Variants in TBX5 observed in about 807,000 individuals in gnomAD.
TBX5 encodes the protein T-box transcription factor 5, also known as T-box transcription factor TBX5.
In TBX5, 8 loss-of-function variants were observed where a neutral mutation model predicts 51.1. The observed-to-expected ratio is 0.16, with a 90% confidence interval of 0.09 to 0.28. The LOEUF is 0.28. Among genes scored for constraint, TBX5 ranks in the 10% least tolerant of loss-of-function variants. The pLI, the probability that TBX5 is intolerant of heterozygous loss-of-function variation, is 1.00. For missense variants in TBX5, 589 were observed against 671.7 expected (o/e 0.88, Z 1.36); for synonymous variants, 302 against 266.4 (o/e 1.13, Z -1.30).
chr12:114,406,739 T>C (rs575455220), upstream of TBX5, among the ~76,000 whole-genome samples: 5 of 152,116 alleles, frequency 3.3e-5, no homozygotes, highest in South Asian at 1.0e-3. Context: ...GCTCCAGGTG[T>C]ACACAAGGCA....
chr12:114,392,843 G>A lies in TBX5; in HGVS notation c.663+1898C>T, dbSNP rs147557112. Among the ~76,000 whole-genome samples, 13 of 152,280 alleles carry A rather than the reference G, an allele frequency of 8.5e-5. No homozygotes were observed. In the Middle Eastern group the frequency reaches 0.01, roughly 120 times the overall value. On this transcript the variant is annotated intron_variant, in intron 6 of 8. Transcript: ENST00000405440. ...CTGAAATAGTTTTGCATCTTTCAGG[G>A]CATTCGACCCTCGGTTTTGCTCTTG...
chr12:114,379,727 G>A (rs1593860910), intron 7 of TBX5, among the ~76,000 whole-genome samples: 2 of 152,282 alleles, frequency 1.3e-5, no homozygotes, highest in South Asian at 4.1e-4. Flanking sequence ...CAGCTCCTGG[G>A]CCTGTTTCCA....
intron 7 of TBX5, among the ~76,000 whole-genome samples, chr12:114,383,210 G>A (rs564410453): frequency 6.6e-6 from 1 of 152,258 alleles, no homozygotes; most frequent in Non-Finnish European, 1.5e-5. Context: ...GGAGACATGG[G>A]CTGACCACAC....
chr12:114,404,174 C>T (rs1413744135), intron 1 of TBX5, among the ~76,000 whole-genome samples: 1 of 152,090 alleles, frequency 6.6e-6, no homozygotes, highest in Admixed American at 6.6e-5. Flanking sequence ...TGCAAAAGAC[C>T]CGCGTCAGAC....
intron 6 of TBX5, among the ~76,000 whole-genome samples, chr12:114,391,060 T>A (rs1174962603): frequency 7.2e-5 from 11 of 152,190 alleles, no homozygotes; most frequent in African/African-American, 2.4e-4. Flanking sequence ...CCTACCTACC[T>A]CCACCTGGTA....
chr12:114,360,308 G>T (rs988081643), intron 8 of TBX5, among the ~76,000 whole-genome samples: 64 of 146,984 alleles, frequency 4.4e-4, no homozygotes, highest in African/African-American at 1.6e-3. Flanking sequence ...AACATGAAAA[G>T]GTAGCAAACC....
intron 4 of TBX5, among the ~76,000 whole-genome samples, chr12:114,399,111 A>C (rs1352690206): frequency 6.6e-6 from 1 of 152,244 alleles, no homozygotes; most frequent in African/African-American, 2.4e-5. Context: ...TAACTGTTTA[A>C]CTCGAATACC....
chr12:114,361,201 G>C (rs943366485), intron 8 of TBX5, among the ~76,000 whole-genome samples: 1 of 152,206 alleles, frequency 6.6e-6, no homozygotes, highest in Non-Finnish European at 1.5e-5. Flanking sequence ...ATAGAGATGG[G>C]TGGCATCTCC....
intron 8 of TBX5, among the ~76,000 whole-genome samples, chr12:114,357,871 C>T (rs1869008226): frequency 6.6e-6 from 1 of 152,172 alleles, no homozygotes; most frequent in African/African-American, 2.4e-5. Flanking sequence ...AACACTGGGG[C>T]ATCCATGCAA....
In TBX5 at chr12:114,355,937, C is replaced by A; in HGVS notation, c.1152G>T (p.Ala384=). The part of the protein sequence containing the change: ...QRQACMYASS[A]PPSEPVPSLE... The stretch of plus-strand genomic sequence containing the variant: ...GGCTGGGCACAGGCTCGCTGGGGGG[C>A]GCAGAGCTGGCATACATGCAAGCTT... The change falls in exon 9 of 9, where the codon GCG becomes GCT. Residue 384 remains alanine (A), a synonymous_variant. Coordinates refer to ENST00000405440, the MANE Select transcript of TBX5 (RefSeq NM_181486.4). 5 of 1,613,728 alleles carry A rather than the reference C, an allele frequency of 3.1e-6. No individual in the cohort carries two copies. Among genetic ancestry groups the A allele is most frequent in the Non-Finnish European group, 4.2e-6 (5 of 1,180,022 alleles).
upstream of TBX5, chr12:114,408,283 A>C: frequency 1.1e-6 from 1 of 902,346 alleles, no homozygotes; most frequent in Non-Finnish European, 1.3e-6. Context: ...CGGAGGAATG[A>C]GGGTGATGAA....
chr12:114,368,627 C>T (rs1184103682), intron 7 of TBX5, among the ~76,000 whole-genome samples: 2 of 152,134 alleles, frequency 1.3e-5, no homozygotes, highest in East Asian at 3.9e-4. Flanking sequence ...TGCATTGTAT[C>T]CTAATGATGT....
chr12:114,368,762 T>C (rs1229957830), intron 7 of TBX5, among the ~76,000 whole-genome samples: 3 of 152,190 alleles, frequency 2.0e-5, no homozygotes, highest in Non-Finnish European at 4.4e-5. Flanking sequence ...TTGTTTGTCA[T>C]GTGAAAGCAC....
intron 5 of TBX5, 117 bp from the exon 6 acceptor site, chr12:114,395,010 A>C: frequency 1.0e-6 from 1 of 1,003,932 alleles, no homozygotes; most frequent in Non-Finnish European, 1.5e-6. Flanking sequence ...CGAAAAATAG[A>C]TATTTTTCTT....
intron 3 of TBX5, among the ~76,000 whole-genome samples, chr12:114,401,270 GT>G (rs1871795601): frequency 6.6e-6 from 1 of 152,226 alleles, no homozygotes; most frequent in African/African-American, 2.4e-5. Context: ...CCCCGGTTCA[GT>G]TTTAAAGGCT....
chr12:114,394,896 A>G lies in TBX5; in HGVS notation c.511-3T>C. The G allele has an allele frequency of 6.2e-7, 1 of 1,613,050 alleles. No individual in the cohort carries two copies. The highest frequency in any genetic ancestry group is 1.1e-5 in the South Asian group (1 of 90,932). On this transcript the variant is annotated splice_polypyrimidine_tract_variant and splice_region_variant and intron_variant, in intron 5 of 8. Coordinates refer to ENST00000405440, the MANE Select transcript of TBX5 (RefSeq NM_181486.4). ...TTGTGCATGGAATTTAGAATAATCTAAAAATAATAAAGAAAATGAGATTGT... is the reference window on the plus strand; with the variant it reads ...TTGTGCATGGAATTTAGAATAATCTGAAAATAATAAAGAAAATGAGATTGT...
chr12:114,354,241 A>G lies in TBX5; in HGVS notation c.*1291T>C, dbSNP rs1868740644. The G allele has an allele frequency of 6.6e-6, 1 of 152,582 alleles. No homozygotes were observed. Among genetic ancestry groups the G allele is most frequent in the South Asian group, 2.1e-4 (1 of 4,834 alleles). The allele number at this position is 152,582 out of a possible 1,614,324, so 9.5% of individuals were successfully genotyped here. The stretch of plus-strand genomic sequence containing the variant: ...AAAAAACACAAACTTGGTTTTGAGT[A>G]TCAATAAAATTAAAAGCTCTTGGCC... On this transcript the variant is annotated 3_prime_UTR_variant, in exon 9 of 9. Transcript: ENST00000405440.
At chr12:114,406,965 T>C (rs1374865494), upstream of TBX5, 4 of 756,808 alleles carry the variant, frequency 5.3e-6, no homozygotes, top group African/African-American at 5.7e-5. Context: ...GGAGTAAATG[T>C]CAGGAGTCCT....
chr12:114,358,603 T>A (rs182969745), intron 8 of TBX5, among the ~76,000 whole-genome samples: 44 of 152,110 alleles, frequency 2.9e-4, no homozygotes, highest in Admixed American at 2.9e-3. Flanking sequence ...AGACTCTTTC[T>A]GGGCCACATA....
Sources: gnomAD v4.1 joint callset for allele counts (sites outside exome capture counted in the v4.1 genomes callset) on GRCh38, gnomAD v4.1.1 for gene constraint, MANE v1.5 for transcripts, NCBI Gene and HGNC (gene_info 2026-07-23, HGNC 2026-07-21) for gene names.